Variants in SLX4IP observed in about 807,000 individuals in gnomAD.
SLX4IP encodes the protein SLX4 interacting protein, also known as protein SLX4IP.
In SLX4IP, 34 loss-of-function variants were observed where a neutral mutation model predicts 32.9. The observed-to-expected ratio is 1.03, with a 90% confidence interval of 0.79 to 1.38. The LOEUF (loss-of-function observed/expected upper bound fraction) is 1.38. Among genes scored for constraint, SLX4IP ranks in the 40% most tolerant of loss-of-function variants. The pLI is 0.00. For missense variants in SLX4IP, 444 were observed against 479.0 expected (o/e 0.93, Z 0.68); for synonymous variants, 172 against 171.7 (o/e 1.00, Z -0.01).
chr20:10,551,136 C>T (rs1427117658), intron 2 of SLX4IP, among the ~76,000 whole-genome samples: 2 of 152,132 alleles, frequency 1.3e-5, no homozygotes, highest in African/African-American at 2.4e-5. Context: ...AAGACAAGAC[C>T]TCCCACCTCC....
Position 10,553,524 on chromosome 20 carries a change from C to G in SLX4IP, c.28-2707C>G, listed in dbSNP as rs150370456. Reference sequence around the variant, plus strand: ...AGGTTAATATTCCGTGGCTAAGATCCTGTAGTTGTGGCATGCGACCTCCAC... The same window carrying G: ...AGGTTAATATTCCGTGGCTAAGATCGTGTAGTTGTGGCATGCGACCTCCAC... On this transcript the variant is annotated intron_variant, in intron 2 of 7. Coordinates refer to ENST00000334534, the MANE Select transcript of SLX4IP (RefSeq NM_001009608.3). Among the ~76,000 whole-genome samples, 880 of 152,302 alleles carry G rather than the reference C, an allele frequency of 5.8e-3. 7 individuals carry two copies. Among genetic ancestry groups the G allele is most frequent in the African/African-American group, 0.02 (834 of 41,562 alleles).
At chr20:10,470,525 A>T (rs931534541) in intron 2 of SLX4IP, among the ~76,000 whole-genome samples, 5 of 152,226 alleles carry the variant, frequency 3.3e-5, no homozygotes, top group Non-Finnish European at 4.4e-5. Flanking sequence ...GTCATGTGAC[A>T]AAAACACTGA....
chr20:10,618,083 C>A (rs937917878), intron 6 of SLX4IP, among the ~76,000 whole-genome samples: 5 of 152,184 alleles, frequency 3.3e-5, no homozygotes, highest in African/African-American at 1.2e-4. Context: ...CCAGGTCAGC[C>A]CATACAGGAA....
At chr20:10,583,846 TAA>T (rs748549527) in intron 4 of SLX4IP, among the ~76,000 whole-genome samples, 4 of 152,226 alleles carry the variant, frequency 2.6e-5, no homozygotes, top group Non-Finnish European at 5.9e-5. Flanking sequence ...AAACAAAATT[TAA>T]AAGACTCTTT....
intron 3 of SLX4IP, among the ~76,000 whole-genome samples, chr20:10,557,967 G>T (rs1056915217): frequency 3.3e-5 from 5 of 152,186 alleles, no homozygotes; most frequent in Non-Finnish European, 7.3e-5. Flanking sequence ...GCTGCAAGGG[G>T]CAGGTCGCTG....
chr20:10,487,422 G>A (rs947440423), intron 2 of SLX4IP, among the ~76,000 whole-genome samples: 2 of 152,158 alleles, frequency 1.3e-5, no homozygotes, highest in Non-Finnish European at 2.9e-5. Context: ...AATTTGTAAT[G>A]GAAAATAGTG....
At chr20:10,560,213 AG>A (rs2066316546) in intron 3 of SLX4IP, among the ~76,000 whole-genome samples, 2 of 152,324 alleles carry the variant, frequency 1.3e-5, no homozygotes, top group East Asian at 3.9e-4. Flanking sequence ...TTGCACCAGC[AG>A]TGGATGAATA....
chr20:10,607,296 G>A (rs2066916175), intron 6 of SLX4IP, among the ~76,000 whole-genome samples: 1 of 152,170 alleles, frequency 6.6e-6, no homozygotes, highest in African/African-American at 2.4e-5. Context: ...TGGGTTCTCT[G>A]CCTTATGCTT....
chr20:10,474,622 A>AG (rs751234482), intron 2 of SLX4IP, among the ~76,000 whole-genome samples: 26 of 152,160 alleles, frequency 1.7e-4, no homozygotes, highest in Non-Finnish European at 3.1e-4. Flanking sequence ...CCCAGAAGGA[A>AG]GGCCAGATGG....
chr20:10,620,946 G>C (rs754818447), intron 6 of SLX4IP, among the ~76,000 whole-genome samples: 1 of 145,036 alleles, frequency 6.9e-6, no homozygotes, highest in South Asian at 2.2e-4. Context: ...GGTCTTGCTA[G>C]AAGAACAGAG....
chr20:10,467,145 G>T (rs941421441), intron 2 of SLX4IP, among the ~76,000 whole-genome samples: 44 of 152,310 alleles, frequency 2.9e-4, no homozygotes, highest in African/African-American at 1.1e-3. Context: ...CTTAAATCCT[G>T]TGTCCTAGGT....
chr20:10,517,418 C>G (rs1380967309), intron 2 of SLX4IP, among the ~76,000 whole-genome samples: 2 of 152,146 alleles, frequency 1.3e-5, no homozygotes, highest in African/African-American at 4.8e-5. Flanking sequence ...AGTGATGTGT[C>G]AGAATCTTCC....
At chr20:10,603,563 C>T (rs1255757921) in intron 6 of SLX4IP, among the ~76,000 whole-genome samples, 1 of 152,216 alleles carries the variant, frequency 6.6e-6, no homozygotes, top group African/African-American at 2.4e-5. Flanking sequence ...TCATGAGGCT[C>T]GTTCCTTGTT....
chr20:10,614,236 T>C, intron 6 of SLX4IP: 2 of 625,050 alleles, frequency 3.2e-6, no homozygotes. Context: ...CTCATGTACA[T>C]AACCATGAGA....
Position 10,573,203 on chromosome 20 carries a change from T to C in SLX4IP, c.238+12383T>C, listed in dbSNP as rs59719183. ...TCCCAGCCCTTTGAAAACAGGGCCT[T>C]TTCCTATTTAAAATAAATTTCAGAA... On this transcript the variant is annotated intron_variant, in intron 4 of 7. Transcript: ENST00000334534. Among the ~76,000 whole-genome samples, 318 of 152,338 alleles carry C rather than the reference T, an allele frequency of 2.1e-3. 1 individual carries two copies. The highest frequency in any genetic ancestry group is 7.5e-3 in the African/African-American group (310 of 41,576).
At chr20:10,583,716 C>CTAATTT (rs1293081304) in intron 4 of SLX4IP, among the ~76,000 whole-genome samples, 6 of 152,138 alleles carry the variant, frequency 3.9e-5, no homozygotes, top group Admixed American at 3.9e-4. Flanking sequence ...TGTATCCCTT[C>CTAATTT]TAATTTCACG....
chr20:10,504,893 T>C (rs180837252), intron 2 of SLX4IP, among the ~76,000 whole-genome samples: 1 of 151,964 alleles, frequency 6.6e-6, no homozygotes, highest in Non-Finnish European at 1.5e-5. Flanking sequence ...GGAAAACTGT[T>C]CCGACCTATA....
intron 2 of SLX4IP, among the ~76,000 whole-genome samples, chr20:10,534,652 G>A (rs143381950): frequency 6.6e-6 from 1 of 152,162 alleles, no homozygotes; most frequent in Non-Finnish European, 1.5e-5. Flanking sequence ...CTGGCGCAGG[G>A]CTGGCGTCTG....
intron 2 of SLX4IP, among the ~76,000 whole-genome samples, chr20:10,468,611 CCT>C (rs1479643170): frequency 6.6e-6 from 1 of 152,124 alleles, no homozygotes; most frequent in Non-Finnish European, 1.5e-5. Flanking sequence ...TGTGGTTTTC[CCT>C]CTGTTTGCTA....
Sources: allele counts gnomAD v4.1 joint callset (sites outside exome capture counted in the v4.1 genomes callset), GRCh38; gene constraint gnomAD v4.1.1; transcripts MANE v1.5; gene names NCBI Gene and HGNC (gene_info 2026-07-23, HGNC 2026-07-21).